Variants in FAM83A observed in about 807,000 individuals in gnomAD.
FAM83A encodes scaffolding CK1 anchoring protein A, also known as protein FAM83A.
In FAM83A, 21 loss-of-function variants were observed where a neutral mutation model predicts 24.4. The observed-to-expected ratio is 0.86, with a 90% CI of 0.61 to 1.24. The LOEUF is 1.24. FAM83A is among the 50% of genes most tolerant of loss of function. The pLI, the probability that FAM83A is intolerant of heterozygous loss-of-function variation, is 0.00. For missense variants in FAM83A, 617 were observed against 579.8 expected (o/e 1.06, Z -0.66); for synonymous variants, 270 against 252.4 (o/e 1.07, Z -0.66).
At chr8:123,185,989 C>T (rs1005323348) in intron 1 of FAM83A, among the ~76,000 whole-genome samples, 5 of 152,078 alleles carry the variant, frequency 3.3e-5, no homozygotes, top group African/African-American at 1.2e-4. Flanking sequence ...TGGGGTTTCA[C>T]CATGTTGGCC....
rs149299969 is a variant in FAM83A, at chr8:123,190,986, C to T, written c.481-817C>T. Among the ~76,000 whole-genome samples the T allele has an allele frequency of 1.6e-3, 251 of 152,318 alleles. 1 individual carries two copies. The highest frequency in any genetic ancestry group is 5.8e-3 in the African/African-American group (241 of 41,562). On this transcript the variant is annotated intron_variant, in intron 1 of 3. Transcript: ENST00000690554. ...AGAATAACTTAGATCATGTGACCAC[C>T]TCTGGACCAATGTCTGTGGCCAACA...
chr8:123,190,265 T>C (rs1823927876), intron 1 of FAM83A, among the ~76,000 whole-genome samples: 1 of 152,142 alleles, frequency 6.6e-6, no homozygotes, highest in African/African-American at 2.4e-5. Context: ...ATGTATTTTC[T>C]TATTTTTTTA....
chr8:123,200,778 AC>A (rs1357057182), intron 3 of FAM83A, among the ~76,000 whole-genome samples: 3 of 151,982 alleles, frequency 2.0e-5, no homozygotes, highest in African/African-American at 7.2e-5. Context: ...ACATGGCAAA[AC>A]CCTGTCTCTA....
At chr8:123,184,018 A>G (rs1193352670) in intron 1 of FAM83A, among the ~76,000 whole-genome samples, 1 of 152,064 alleles carries the variant, frequency 6.6e-6, no homozygotes, top group Non-Finnish European at 1.5e-5. Flanking sequence ...CGACAAATCT[A>G]ATTTGGTCTT....
chr8:123,187,481 G>A (rs531133461), intron 1 of FAM83A, among the ~76,000 whole-genome samples: 12 of 152,268 alleles, frequency 7.9e-5, no homozygotes, highest in South Asian at 6.2e-4. Flanking sequence ...AAACAGTGCC[G>A]CCCTGCTCAC....
At chr8:123,203,756 G>A (rs911113985) in intron 3 of FAM83A, among the ~76,000 whole-genome samples, 21 of 151,884 alleles carry the variant, frequency 1.4e-4, no homozygotes, top group South Asian at 4.2e-4. Flanking sequence ...AAAAGTGGGT[G>A]GGAGACATAA....
intron 3 of FAM83A, among the ~76,000 whole-genome samples, chr8:123,204,485 G>T (rs768888755): frequency 6.6e-6 from 1 of 152,122 alleles, no homozygotes; most frequent in Non-Finnish European, 1.5e-5. Flanking sequence ...TGTATTGGCC[G>T]GGCGCAGTGG....
At position 123,207,133 on chromosome 8, in the gene FAM83A, ACTCT is replaced by A. The variant is rs754164218; in HGVS notation, c.774-18_774-15del. 10 of 1,370,144 alleles carry A rather than the reference ACTCT, an allele frequency of 7.3e-6. No homozygotes were observed. In the African/African-American group the frequency reaches 1.7e-4, roughly 23 times the overall value. 84.9% of individuals were successfully genotyped at this position (1,370,144 alleles called of 1,614,324 possible). A position where few individuals can be genotyped will look rare whatever the true frequency, so the allele number is the denominator to read the frequency against. ...CCATCCTTCCCCCTTCTCCTCCATCACTCTCTCTCCTCTTCCCCTCCAGCTTCAC... is the reference window on the plus strand; with the variant it reads ...CCATCCTTCCCCCTTCTCCTCCATCACTCTCCTCTTCCCCTCCAGCTTCAC... On this transcript the variant is annotated intron_variant, in intron 3 of 3. Transcript: ENST00000690554.
rs935015821 is a variant in FAM83A at position 123,206,895 on chromosome 8, C to A, written c.774-262C>A. Among the ~76,000 whole-genome samples, 39 of 151,978 alleles carry A rather than the reference C, an allele frequency of 2.6e-4. 1 individual carries two copies. Among genetic ancestry groups the A allele is most frequent in the African/African-American group, 9.2e-4 (38 of 41,366 alleles). On this transcript the variant is annotated intron_variant, in intron 3 of 3. Coordinates refer to ENST00000690554, the Ensembl canonical transcript of FAM83A. ...AGGAGGATCTTGGGGCCTGGGCCGG[C>A]GAAGCCTCCTATCTGTCCTCCTCCT...
Position 123,202,913 on chromosome 8 carries a change from G to A in FAM83A, c.774-4244G>A, listed in dbSNP as rs140518440. The stretch of plus-strand genomic sequence containing the variant: ...CCGAAAAAGAAAAACAAGCAGGGAC[G>A]ACTTGCCCTACCAGAGTTCAGAACT... On this transcript the variant is annotated intron_variant, in intron 3 of 3. Coordinates refer to ENST00000690554, the Ensembl canonical transcript of FAM83A. 1.5e-3 allele frequency among the ~76,000 whole-genome samples: 229 copies of A among 152,162 alleles called. 1 individual carries two copies. The highest frequency in any genetic ancestry group is 5.4e-3 in the African/African-American group (223 of 41,502).
In FAM83A at chr8:123,183,198, GCCGGC is replaced by G; in HGVS notation, c.345_349del (p.Ala116ThrfsTer8). ...TCCCTGTGGCCTCAGAGGGCAGCGA[GCCGGC>G]CCTACTGCACAGCTGGGCCTCAGCT... On this transcript the variant is annotated frameshift_variant, in exon 1 of 4. Transcript: ENST00000690554. LOFTEE classifies it high-confidence loss of function. 1 of 1,613,586 alleles carries G rather than the reference GCCGGC, an allele frequency of 6.2e-7. No homozygotes were observed. Among genetic ancestry groups the G allele is most frequent in the Non-Finnish European group, 8.5e-7 (1 of 1,180,014 alleles).
chr8:123,184,738 G>A (rs1020389078), intron 1 of FAM83A, among the ~76,000 whole-genome samples: 3 of 152,230 alleles, frequency 2.0e-5, no homozygotes, highest in Admixed American at 6.5e-5. Context: ...CAGAGGGGCA[G>A]GGGAGAATGG....
At chr8:123,199,542 C>A (rs1563787089) in intron 3 of FAM83A, among the ~76,000 whole-genome samples, 2 of 152,108 alleles carry the variant, frequency 1.3e-5, no homozygotes, top group Admixed American at 6.5e-5. Context: ...CGAGACCAGC[C>A]AGACCAACAT....
At chr8:123,181,984 G>T (rs1183808904), upstream of FAM83A, 1 of 455,178 alleles carries the variant, frequency 2.2e-6, no homozygotes, top group Admixed American at 2.3e-5. Flanking sequence ...TCCCCTCAGA[G>T]TTCATAGATT....
intron 1 of FAM83A, among the ~76,000 whole-genome samples, chr8:123,183,577 G>GC (rs1451527275): frequency 6.6e-6 from 1 of 151,694 alleles, no homozygotes; most frequent in Non-Finnish European, 1.5e-5. Context: ...TTCCTGCCTG[G>GC]CCCCCTCTTC....
chr8:123,182,947 GACA>G (rs746714748), exon 1 of FAM83A: 14 of 1,601,162 alleles, frequency 8.7e-6, no homozygotes, highest in Middle Eastern at 1.7e-4. Context: ...TGACTTTAGT[GACA>G]ACGAGAGTGC....
At chr8:123,181,134 A>G (rs1399880683), upstream of FAM83A, among the ~76,000 whole-genome samples, 3 of 152,042 alleles carry the variant, frequency 2.0e-5, no homozygotes, top group East Asian at 5.8e-4. Flanking sequence ...TTTAGTAGCG[A>G]CAGTGTTTCA....
At chr8:123,207,255 C>A (rs1293407082) in exon 4 of FAM83A, 2 of 1,612,918 alleles carry the variant, frequency 1.2e-6, no homozygotes, top group African/African-American at 1.3e-5. Context: ...CACCTCTACG[C>A]CTCCTCCAAG....
At chr8:123,191,911 G>A (rs1410794410) in exon 2 of FAM83A, 1 of 1,614,060 alleles carries the variant, frequency 6.2e-7, no homozygotes, top group East Asian at 2.2e-5. Flanking sequence ...GGACCAGGGA[G>A]GTGTGAAGCT....
Sources: gnomAD v4.1 joint callset for allele counts (sites outside exome capture counted in the v4.1 genomes callset) on GRCh38, gnomAD v4.1.1 for gene constraint, MANE v1.5 for transcripts, NCBI Gene and HGNC (gene_info 2026-07-23, HGNC 2026-07-21) for gene names.